EPHA5: variants seen among roughly 807,000 people sequenced by gnomAD.
EPHA5 encodes EPH receptor A5.
In EPHA5, 60 loss-of-function variants were observed where a neutral mutation model predicts 105.0. That is an observed-to-expected ratio of 0.57 (90% CI 0.46 to 0.71). The LOEUF is 0.71. Among genes scored for constraint, EPHA5 ranks in the 30% least tolerant of loss-of-function variants. EPHA5 has a pLI of 0.00. For synonymous variants in EPHA5, 513 were observed against 449.1 expected (o/e 1.14, Z -1.80); for missense variants, 1,218 against 1,274.7 (o/e 0.96, Z 0.68).
intron 3 of EPHA5, among the ~76,000 whole-genome samples, chr4:65,531,249 G>A (rs954344495): frequency 8.6e-5 from 13 of 151,148 alleles, no homozygotes; most frequent in East Asian, 2.0e-4. Context: ...TTGTTAGCCA[G>A]GATGGTCTCG....
intron 2 of EPHA5, among the ~76,000 whole-genome samples, chr4:65,613,937 T>C (rs1411504504): frequency 1.3e-5 from 2 of 151,992 alleles, no homozygotes; most frequent in Admixed American, 6.6e-5. Flanking sequence ...TTTACAGAAT[T>C]TTTTATCTAT....
intron 2 of EPHA5, among the ~76,000 whole-genome samples, chr4:65,613,956 G>A (rs887804540): frequency 1.3e-5 from 2 of 151,808 alleles, no homozygotes; most frequent in African/African-American, 2.4e-5. Context: ...ATCAACAATC[G>A]ATATATTTTG....
chr4:65,452,342 A>G (rs967094574), intron 5 of EPHA5, among the ~76,000 whole-genome samples: 2 of 152,144 alleles, frequency 1.3e-5, no homozygotes, highest in Non-Finnish European at 2.9e-5. Flanking sequence ...CATGTATAAC[A>G]AATGTGAAAT....
At position 65,513,204 on chromosome 4, in the gene EPHA5, C is replaced by G. The variant is rs555714402; in HGVS notation, c.911-17661G>C. On this transcript the variant is annotated intron_variant, in intron 3 of 16. Transcript: ENST00000613740. ...AGTTATAAATGTGGTTCTTGAGAAG[C>G]AACTAAATATTCTTGATAGATTTTC... Among the ~76,000 whole-genome samples the G allele has an allele frequency of 5.9e-5, 9 of 152,220 alleles. No homozygotes were observed. In the East Asian group the frequency reaches 1.7e-3, roughly 29 times the overall value.
chr4:65,580,632 C>T (rs548838216), intron 3 of EPHA5, among the ~76,000 whole-genome samples: 31 of 151,540 alleles, frequency 2.0e-4, no homozygotes, highest in Non-Finnish European at 3.5e-4. Flanking sequence ...AAAATAAAAG[C>T]CCTCTGCTCT....
At chr4:65,436,352 A>G (rs1157016949) in intron 5 of EPHA5, among the ~76,000 whole-genome samples, 1 of 128,814 alleles carries the variant, frequency 7.8e-6, no homozygotes, top group African/African-American at 2.6e-5. Flanking sequence ...CTATAAACAG[A>G]CACACACACA....
chr4:65,581,134 C>T (rs760063547), intron 3 of EPHA5, among the ~76,000 whole-genome samples: 6 of 151,722 alleles, frequency 4.0e-5, no homozygotes, highest in Non-Finnish European at 8.9e-5. Context: ...ATTTAGCCCA[C>T]AACAATTTGC....
rs370412516 is a variant in EPHA5, at chr4:65,335,915, C to T, written c.2789+17G>A. ...GTTAGCTACATTCTGGAAAATCACT[C>T]GGATCTGGCCTTGTACCTGCAGGAT... On this transcript the variant is annotated intron_variant, in intron 15 of 16. Coordinates refer to ENST00000613740, the MANE Select transcript of EPHA5 (RefSeq NM_001281766.3). 46 of 1,569,266 alleles carry T rather than the reference C, an allele frequency of 2.9e-5. 1 individual carries two copies. In the East Asian group the frequency reaches 3.4e-4, roughly 12 times the overall value.
chr4:65,557,252 A>ATATATG (rs1299597644), intron 3 of EPHA5, among the ~76,000 whole-genome samples: 1 of 145,148 alleles, frequency 6.9e-6, no homozygotes, highest in Non-Finnish European at 1.5e-5. Context: ...ATATATATAT[A>ATATATG]TATATATTCT....
At chr4:65,546,474 C>A (rs6844942) in intron 3 of EPHA5, among the ~76,000 whole-genome samples, 1 of 151,820 alleles carries the variant, frequency 6.6e-6, no homozygotes, top group Non-Finnish European at 1.5e-5. Flanking sequence ...TCTTTCTGGA[C>A]TTCTGCCTAT....
intron 5 of EPHA5, among the ~76,000 whole-genome samples, chr4:65,463,213 G>A (rs1257431246): frequency 1.3e-5 from 2 of 152,000 alleles, no homozygotes; most frequent in Non-Finnish European, 1.5e-5. Flanking sequence ...TCATATCCAA[G>A]CTGGCTTTTT....
At chr4:65,504,365 A>T (rs375617636) in intron 3 of EPHA5, among the ~76,000 whole-genome samples, 10 of 147,238 alleles carry the variant, frequency 6.8e-5, no homozygotes, top group African/African-American at 2.5e-4. Context: ...TATATTGAAA[A>T]ATATATATAT....
At chr4:65,361,646 T>G (rs1319290759) in intron 11 of EPHA5, among the ~76,000 whole-genome samples, 2 of 151,678 alleles carry the variant, frequency 1.3e-5, no homozygotes, top group African/African-American at 2.4e-5. Context: ...AATTATAAAT[T>G]TACAAAGTAA....
At chr4:65,614,431 T>C (rs1745046480) in intron 2 of EPHA5, among the ~76,000 whole-genome samples, 1 of 151,830 alleles carries the variant, frequency 6.6e-6, no homozygotes. Flanking sequence ...TATTTGTATA[T>C]GAGCAAACTG....
intron 16 of EPHA5, chr4:65,331,223 C>T (rs1720584320): frequency 8.7e-6 from 9 of 1,029,598 alleles, no homozygotes; most frequent in Non-Finnish European, 1.1e-5. Context: ...GATGGAACCA[C>T]CATAAAGACA....
intron 3 of EPHA5, among the ~76,000 whole-genome samples, chr4:65,547,988 G>T (rs1578395339): frequency 1.3e-5 from 2 of 150,534 alleles, no homozygotes; most frequent in East Asian, 2.0e-4. Context: ...TTCTGTAGAA[G>T]AAAATACTCC....
At chr4:65,382,106 G>T (rs1046696993) in intron 8 of EPHA5, among the ~76,000 whole-genome samples, 1 of 151,514 alleles carries the variant, frequency 6.6e-6, no homozygotes, top group Non-Finnish European at 1.5e-5. Flanking sequence ...CTCCTGTGCG[G>T]CCATTCATCT....
At position 65,414,328 on chromosome 4, in the gene EPHA5, T is replaced by C. The variant is rs1329837813; in HGVS notation, c.1643A>G (p.Tyr548Cys). The change falls in exon 7 of 17, where the codon TAT becomes TGT. Residue 548 changes from tyrosine (Y) to cysteine (C), a missense_variant. Tyr to Cys is a radical substitution (Grantham distance 194). This residue lies in a region of EPHA5 where 971 missense variants were observed against 1,013.5 expected (regional missense o/e 0.96). Coordinates refer to ENST00000613740, the MANE Select transcript of EPHA5 (RefSeq NM_001281766.3). ...FQIRARTAAG[Y>C]GVFSRRFEFE... ...CTCAAATCTTCGACTGAAGACACCA[T>C]AGCCTGCTGCTGTACGTGCTCGAAT... 10 of 1,613,996 alleles carry C rather than the reference T, an allele frequency of 6.2e-6. No homozygotes were observed. The highest frequency in any genetic ancestry group is 1.1e-5 in the South Asian group (1 of 91,080).
At chr4:65,624,610 T>C (rs970396423) in intron 2 of EPHA5, among the ~76,000 whole-genome samples, 1 of 152,164 alleles carries the variant, frequency 6.6e-6, no homozygotes, top group African/African-American at 2.4e-5. Context: ...ATAAACACAA[T>C]GGTCATTTAA....
Sources: gnomAD v4.1 joint callset for allele counts (sites outside exome capture counted in the v4.1 genomes callset) on GRCh38, gnomAD v4.1.1 for gene constraint, gnomAD v4.1.1 regional missense constraint, MANE v1.5 for transcripts, NCBI Gene and HGNC (gene_info 2026-07-23, HGNC 2026-07-21) for gene names.